Variants in SCFD2 observed in about 807,000 individuals in gnomAD.
The protein encoded by SCFD2 is sec1 family domain-containing protein 2.
SCFD2 carries 54 observed loss-of-function variants against 58.9 expected under a neutral mutation model. That is an observed-to-expected ratio of 0.92 (90% CI 0.74 to 1.15). The LOEUF is 1.15. SCFD2 is among the 50% of genes most tolerant of loss of function. The pLI is 0.00. For missense variants in SCFD2, 805 were observed against 836.6 expected (o/e 0.96, Z 0.47); for synonymous variants, 321 against 335.9 (o/e 0.96, Z 0.49).
At chr4:53,226,487 GGCTGTTTTCAAGAA>G (rs1171456057) in intron 4 of SCFD2, among the ~76,000 whole-genome samples, 1 of 151,740 alleles carries the variant, frequency 6.6e-6, no homozygotes, top group East Asian at 1.9e-4. Context: ...AGGCTTTTTT[GGCTGTTTTCAAGAA>G]TAACTTAATC....
intron 4 of SCFD2, among the ~76,000 whole-genome samples, chr4:53,259,358 G>C (rs1280007391): frequency 6.6e-6 from 1 of 152,138 alleles, no homozygotes. Flanking sequence ...TCAGGTCATA[G>C]ATGTAAGTCT....
At chr4:53,346,040 G>A (rs1482632163) in intron 2 of SCFD2, among the ~76,000 whole-genome samples, 1 of 152,090 alleles carries the variant, frequency 6.6e-6, no homozygotes, top group East Asian at 1.9e-4. Flanking sequence ...CATGGCACAT[G>A]TATACCTATG....
intron 5 of SCFD2, among the ~76,000 whole-genome samples, chr4:53,091,373 A>T (rs962652881): frequency 2.0e-5 from 3 of 152,148 alleles, no homozygotes; most frequent in Non-Finnish European, 4.4e-5. Flanking sequence ...GGTTAAAAAA[A>T]AAAAAAGAAC....
At chr4:52,912,743 T>C (rs140305464) in intron 6 of SCFD2, among the ~76,000 whole-genome samples, 3 of 152,318 alleles carry the variant, frequency 2.0e-5, no homozygotes, top group African/African-American at 4.8e-5. Flanking sequence ...ATCATGTCAC[T>C]GAAATCTGGT....
At chr4:52,999,281 C>T (rs1359598510) in intron 5 of SCFD2, among the ~76,000 whole-genome samples, 8 of 152,136 alleles carry the variant, frequency 5.3e-5, no homozygotes, top group African/African-American at 1.9e-4. Flanking sequence ...GACTTCAGTC[C>T]AATACCAGTG....
At position 53,018,440 on chromosome 4, in the gene SCFD2, C is replaced by T. The variant is rs184370770; in HGVS notation, c.1562-97570G>A. On this transcript the variant is annotated intron_variant, in intron 5 of 8. Transcript: ENST00000401642. The stretch of plus-strand genomic sequence containing the variant: ...CGAAATAAGGCAAAAATGCAATGTT[C>T]CTGACAAGCATTGCTTGTGACGGCA... 9.8e-5 allele frequency among the ~76,000 whole-genome samples: 15 copies of T among 152,332 alleles called. No individual in the cohort carries two copies. The East Asian group carries it at 2.3e-3, about 23-fold the overall frequency.
At chr4:53,338,954 A>G (rs1032887277) in intron 2 of SCFD2, among the ~76,000 whole-genome samples, 3 of 152,276 alleles carry the variant, frequency 2.0e-5, no homozygotes, top group African/African-American at 7.2e-5. Context: ...TGAAAATATC[A>G]AAATATTCTC....
At chr4:53,349,296 A>G (rs1734147879) in intron 2 of SCFD2, among the ~76,000 whole-genome samples, 1 of 152,228 alleles carries the variant, frequency 6.6e-6, no homozygotes, top group Admixed American at 6.5e-5. Flanking sequence ...AGTGATAGAA[A>G]ACAGCAACTA....
At chr4:53,224,172 T>C (rs1486265128) in intron 4 of SCFD2, among the ~76,000 whole-genome samples, 1 of 152,070 alleles carries the variant, frequency 6.6e-6, no homozygotes, top group Non-Finnish European at 1.5e-5. Context: ...GGGTGGATCA[T>C]GAGGTCAGGA....
intron 2 of SCFD2, among the ~76,000 whole-genome samples, chr4:53,339,347 T>G (rs778203716): frequency 3.3e-5 from 5 of 150,472 alleles, no homozygotes; most frequent in Non-Finnish European, 5.9e-5. Flanking sequence ...ACATATTATA[T>G]GTAAATGTAT....
chr4:53,271,326 C>T (rs1731159674), intron 4 of SCFD2, among the ~76,000 whole-genome samples: 1 of 151,906 alleles, frequency 6.6e-6, no homozygotes, highest in African/African-American at 2.4e-5. Context: ...CACACACACA[C>T]ACACACAGCA....
At chr4:53,230,134 G>A (rs1266434190) in intron 4 of SCFD2, among the ~76,000 whole-genome samples, 1 of 152,310 alleles carries the variant, frequency 6.6e-6, no homozygotes, top group Non-Finnish European at 1.5e-5. Context: ...AGGTGCTGGA[G>A]AGGATGTGGA....
At chr4:53,207,597 A>ATT (rs1728471650) in intron 4 of SCFD2, among the ~76,000 whole-genome samples, 1 of 131,816 alleles carries the variant, frequency 7.6e-6, no homozygotes, top group African/African-American at 2.9e-5. Flanking sequence ...ATATATATAT[A>ATT]ATATTTATAT....
At chr4:52,967,904 A>G (rs1316018804) in intron 5 of SCFD2, among the ~76,000 whole-genome samples, 2 of 152,064 alleles carry the variant, frequency 1.3e-5, no homozygotes, top group Admixed American at 1.3e-4. Flanking sequence ...CTTGTTTCCC[A>G]GTTCCAATAT....
At chr4:53,180,014 AC>A (rs1727490209) in intron 4 of SCFD2, among the ~76,000 whole-genome samples, 1 of 152,210 alleles carries the variant, frequency 6.6e-6, no homozygotes. Flanking sequence ...GTCCTTAGTG[AC>A]CTACAAAGAG....
intron 4 of SCFD2, among the ~76,000 whole-genome samples, chr4:53,163,127 C>T (rs1726904119): frequency 6.6e-6 from 1 of 152,128 alleles, no homozygotes; most frequent in Non-Finnish European, 1.5e-5. Flanking sequence ...CCCTGGAGTC[C>T]TCTCCTACAA....
intron 5 of SCFD2, among the ~76,000 whole-genome samples, chr4:53,124,149 G>A (rs970292549): frequency 6.6e-6 from 1 of 152,158 alleles, no homozygotes; most frequent in African/African-American, 2.4e-5. Context: ...ATCCCACAGG[G>A]TGGTTTGGTG....
intron 4 of SCFD2, among the ~76,000 whole-genome samples, chr4:53,213,472 T>C (rs1373973893): frequency 6.6e-6 from 1 of 152,244 alleles, no homozygotes; most frequent in East Asian, 1.9e-4. Context: ...CTCGAAAGTC[T>C]ACCTGCTTTC....
intron 7 of SCFD2, among the ~76,000 whole-genome samples, chr4:52,890,252 G>C (rs1187873903): frequency 2.0e-5 from 3 of 152,178 alleles, no homozygotes; most frequent in African/African-American, 7.2e-5. Flanking sequence ...AGTACATTGG[G>C]AGAATCTTGG....
Sources: allele counts gnomAD v4.1 joint callset (sites outside exome capture counted in the v4.1 genomes callset), GRCh38; gene constraint gnomAD v4.1.1; transcripts MANE v1.5; gene names NCBI Gene and HGNC (gene_info 2026-07-23, HGNC 2026-07-21).